ASTN2: variants seen among roughly 807,000 people sequenced by gnomAD.
ASTN2 encodes the protein astrotactin-2.
In ASTN2, 54 loss-of-function variants were observed where a neutral mutation model predicts 139.8. The observed-to-expected ratio is 0.39, with a 90% CI of 0.31 to 0.48. The LOEUF is 0.48. Among genes scored for constraint, ASTN2 ranks in the 20% least tolerant of loss-of-function variants. The probability of loss-of-function intolerance (pLI) is 0.95; values close to 1 mark genes in which losing one functional copy is unlikely to be tolerated. For missense variants in ASTN2, 1,565 were observed against 1,725.1 expected, an observed-to-expected ratio of 0.91 and a Z score of 1.64; for synonymous variants, 756 against 719.5, an observed-to-expected ratio of 1.05 and a Z score of -0.81.
intron 16 of ASTN2, chr9:116,686,780 A>G (rs1029231198): frequency 1.9e-6 from 3 of 1,550,668 alleles, no homozygotes; most frequent in Admixed American, 3.9e-5. Context: ...TAGGCAAAAC[A>G]TTCCTTTACA....
intron 16 of ASTN2, among the ~76,000 whole-genome samples, chr9:116,702,497 A>G (rs565201670): frequency 6.6e-6 from 1 of 152,202 alleles, no homozygotes; most frequent in South Asian, 2.1e-4. Context: ...CTGTGTTGCA[A>G]TTATCTGTCC....
At chr9:116,939,127 T>C (rs972792564) in intron 10 of ASTN2, among the ~76,000 whole-genome samples, 1 of 152,200 alleles carries the variant, frequency 6.6e-6, no homozygotes, top group Admixed American at 6.5e-5. Context: ...GTTCTGTCAC[T>C]AGCTGGTACA....
intron 19 of ASTN2, among the ~76,000 whole-genome samples, chr9:116,552,420 G>C (rs933646472): frequency 6.6e-6 from 1 of 152,160 alleles, no homozygotes; most frequent in Non-Finnish European, 1.5e-5. Flanking sequence ...AACTCAACAG[G>C]TAAAGGTAAA....
chr9:117,327,856 T>C (rs562195078), intron 1 of ASTN2, among the ~76,000 whole-genome samples: 77 of 152,304 alleles, frequency 5.1e-4, no homozygotes, highest in African/African-American at 1.7e-3. Flanking sequence ...ATTTCACACA[T>C]AGTATGTCCC....
chr9:117,352,127 C>T (rs538369553), intron 1 of ASTN2, among the ~76,000 whole-genome samples: 1 of 152,306 alleles, frequency 6.6e-6, no homozygotes, highest in Admixed American at 6.5e-5. Flanking sequence ...ATCTCACAGG[C>T]TGTGTCTTCA....
At chr9:116,533,995 A>C (rs1331003301) in intron 19 of ASTN2, among the ~76,000 whole-genome samples, 2 of 151,902 alleles carry the variant, frequency 1.3e-5, no homozygotes, top group Non-Finnish European at 2.9e-5. Context: ...TGGTCCTGGA[A>C]TTTTTTTGGT....
intron 1 of ASTN2, among the ~76,000 whole-genome samples, chr9:117,320,673 C>T (rs749186504): frequency 1.3e-5 from 2 of 152,154 alleles, no homozygotes; most frequent in Non-Finnish European, 2.9e-5. Flanking sequence ...TTTCAAGGCA[C>T]TCTGGGGAGC....
At chr9:116,708,656 T>G (rs549961001) in intron 16 of ASTN2, among the ~76,000 whole-genome samples, 1 of 152,262 alleles carries the variant, frequency 6.6e-6, no homozygotes, top group Admixed American at 6.5e-5. Flanking sequence ...CCACACAAAT[T>G]ACCAAGTCCT....
At chr9:117,277,271 C>T (rs1247026738) in intron 2 of ASTN2, 1 of 152,204 alleles carries the variant, frequency 6.6e-6, no homozygotes, top group Non-Finnish European at 1.5e-5. Flanking sequence ...CCCAAAACCT[C>T]TAATTGGTGT....
At chr9:117,056,223 T>C (rs1184510862) in intron 5 of ASTN2, among the ~76,000 whole-genome samples, 1 of 152,242 alleles carries the variant, frequency 6.6e-6, no homozygotes, top group Non-Finnish European at 1.5e-5. Context: ...TGTTAGATAA[T>C]GAATGTTTGT....
chr9:117,085,171 C>A (rs1307726974), intron 5 of ASTN2, among the ~76,000 whole-genome samples: 2 of 152,190 alleles, frequency 1.3e-5, no homozygotes, highest in East Asian at 3.9e-4. Flanking sequence ...GCCCTCCATG[C>A]CCCCCACAAC....
At chr9:116,836,120 C>T (rs1564294228) in intron 11 of ASTN2, among the ~76,000 whole-genome samples, 1 of 152,146 alleles carries the variant, frequency 6.6e-6, no homozygotes, top group Non-Finnish European at 1.5e-5. Flanking sequence ...GAATTCACCT[C>T]CCCACTAGGA....
At chr9:117,311,066 C>T (rs1052768814) in intron 1 of ASTN2, among the ~76,000 whole-genome samples, 5 of 152,128 alleles carry the variant, frequency 3.3e-5, no homozygotes, top group African/African-American at 7.2e-5. Context: ...CTGGGACCAC[C>T]TCCAAAAGAA....
intron 11 of ASTN2, among the ~76,000 whole-genome samples, chr9:116,852,733 G>C (rs1400699039): frequency 6.6e-6 from 1 of 152,106 alleles, no homozygotes; most frequent in Non-Finnish European, 1.5e-5. Context: ...AAAGACAAAA[G>C]AATGATGATA....
chr9:116,551,515 G>C (rs935288585), intron 19 of ASTN2, among the ~76,000 whole-genome samples: 1 of 152,142 alleles, frequency 6.6e-6, no homozygotes, highest in Non-Finnish European at 1.5e-5. Flanking sequence ...GACTCCTTGG[G>C]ACTCAGTTCT....
At chr9:117,252,482 C>T (rs1460010074) in intron 2 of ASTN2, among the ~76,000 whole-genome samples, 1 of 152,176 alleles carries the variant, frequency 6.6e-6, no homozygotes, top group Non-Finnish European at 1.5e-5. Context: ...CGCACTACCA[C>T]CAAGGACAGA....
At chr9:116,683,110 A>G (rs1295664687) in intron 16 of ASTN2, among the ~76,000 whole-genome samples, 1 of 151,912 alleles carries the variant, frequency 6.6e-6, no homozygotes, top group Non-Finnish European at 1.5e-5. Context: ...TCCATATACA[A>G]TTGTTGTCTC....
At chr9:116,525,450 A>G (rs1851050733) in intron 19 of ASTN2, among the ~76,000 whole-genome samples, 1 of 152,148 alleles carries the variant, frequency 6.6e-6, no homozygotes, top group Non-Finnish European at 1.5e-5. Context: ...AGGAGTTAGG[A>G]CTTCCTCATC....
intron 19 of ASTN2, among the ~76,000 whole-genome samples, chr9:116,494,000 C>A (rs890876651): frequency 5.9e-5 from 9 of 152,118 alleles, no homozygotes; most frequent in African/African-American, 1.9e-4. Context: ...ACTTGGGCAA[C>A]TGTAGAAATT....
Sources: gnomAD v4.1 joint callset for allele counts (sites outside exome capture counted in the v4.1 genomes callset) on GRCh38, gnomAD v4.1.1 for gene constraint, MANE v1.5 for transcripts, NCBI Gene and HGNC (gene_info 2026-07-23, HGNC 2026-07-21) for gene names.